Variants in MMP16 observed in about 807,000 individuals in gnomAD.
MMP16 encodes matrix metallopeptidase 16.
In MMP16, 12 loss-of-function variants were observed where a neutral mutation model predicts 67.8. The observed-to-expected ratio is 0.18, with a 90% CI of 0.11 to 0.29. MMP16 has a LOEUF of 0.29. Ranked by LOEUF, MMP16 falls within the 10% of genes least tolerant of loss-of-function variation. MMP16 has a pLI of 1.00. For synonymous variants in MMP16, 249 were observed against 255.9 expected (o/e 0.97, Z 0.26); for missense variants, 475 against 765.7 (o/e 0.62, Z 4.48).
In MMP16 at chr8:88,036,813, T is replaced by C. The variant is rs1294933860; in HGVS notation, c.*4648A>G. The C allele has an allele frequency of 6.6e-6, 1 of 151,646 alleles. No individual in the cohort carries two copies. Among genetic ancestry groups the C allele is most frequent in the Non-Finnish European group, 1.5e-5 (1 of 67,720 alleles). 9.4% of individuals were successfully genotyped at this position (151,646 alleles called of 1,614,324 possible). A position where few individuals can be genotyped will look rare whatever the true frequency, so the allele number is the denominator to read the frequency against. The stretch of plus-strand genomic sequence containing the variant: ...ACTTTGGAATATGCCCTTGAAAGCA[T>C]CAGAAATGAAATAAGCTCTTTACTG... On this transcript the variant is annotated 3_prime_UTR_variant, in exon 10 of 10. Transcript: ENST00000286614.
intron 6 of MMP16, among the ~76,000 whole-genome samples, chr8:88,104,048 T>C (rs1004132621): frequency 6.6e-6 from 1 of 151,798 alleles, no homozygotes; most frequent in African/African-American, 2.4e-5. Flanking sequence ...GTTTTGCCTA[T>C]TTTATTTTAA....
chr8:88,167,769 T>A lies in MMP16; in HGVS notation c.609A>T (p.Gly203=). The change falls in exon 4 of 10, where the codon GGA becomes GGT. Residue 203 remains glycine, a synonymous_variant. Transcript: ENST00000286614. ...GGAAGTAGGCATGTGCCAAAAATCC[T>A]CCCTCTCCATCAAAGGGAGAGCTGT... ...HGDSSPFDGE[G]GFLAHAYFPG... 8.1e-6 allele frequency: 13 copies of A among 1,613,944 alleles called. No homozygotes were observed. The highest frequency in any genetic ancestry group is 1.1e-5 in the Non-Finnish European group (13 of 1,179,944).
At chr8:88,286,560 A>G (rs978943355) in intron 1 of MMP16, among the ~76,000 whole-genome samples, 5 of 148,806 alleles carry the variant, frequency 3.4e-5, no homozygotes, top group African/African-American at 1.2e-4. Flanking sequence ...CTGTTACATG[A>G]GTCAGAGACC....
At chr8:88,317,390 T>C (rs927116868) in intron 1 of MMP16, among the ~76,000 whole-genome samples, 10 of 152,172 alleles carry the variant, frequency 6.6e-5, no homozygotes, top group Admixed American at 5.9e-4. Flanking sequence ...AAAGAGGACT[T>C]GCCAAAGGCT....
intron 6 of MMP16, among the ~76,000 whole-genome samples, chr8:88,114,369 T>C (rs575073602): frequency 1.5e-4 from 23 of 152,060 alleles, no homozygotes; most frequent in Middle Eastern, 3.4e-3. Context: ...ACAACTCCAA[T>C]CTCAGTAAAA....
At chr8:88,317,960 T>G (rs1293257464) in intron 1 of MMP16, among the ~76,000 whole-genome samples, 1 of 152,158 alleles carries the variant, frequency 6.6e-6, no homozygotes, top group Non-Finnish European at 1.5e-5. Flanking sequence ...TCGCTTTATA[T>G]TAAACTAAAT....
chr8:88,071,903 T>G (rs994521988), intron 7 of MMP16, among the ~76,000 whole-genome samples: 1 of 152,138 alleles, frequency 6.6e-6, no homozygotes, highest in African/African-American at 2.4e-5. Context: ...ATTCACTATT[T>G]TGTCATTACA....
At chr8:88,060,553 A>T (rs1165552735) in intron 7 of MMP16, among the ~76,000 whole-genome samples, 1 of 152,012 alleles carries the variant, frequency 6.6e-6, no homozygotes, top group Non-Finnish European at 1.5e-5. Context: ...ACTTATCTCC[A>T]TTTATGGAAA....
intron 1 of MMP16, among the ~76,000 whole-genome samples, chr8:88,289,524 C>A (rs1454589321): frequency 6.6e-6 from 1 of 152,146 alleles, no homozygotes; most frequent in Non-Finnish European, 1.5e-5. Context: ...TACATCTACA[C>A]ATACACGCAC....
At chr8:88,087,813 G>A (rs536054340) in intron 6 of MMP16, among the ~76,000 whole-genome samples, 2 of 151,402 alleles carry the variant, frequency 1.3e-5, no homozygotes, top group South Asian at 4.2e-4. Context: ...CATGGTGGTT[G>A]CATGCCTGAG....
Position 88,041,286 on chromosome 8 carries a change from A to G in MMP16, c.*175T>C, listed in dbSNP as rs900403726. 5.5e-5 allele frequency: 34 copies of G among 614,636 alleles called. No homozygotes were observed. The African/African-American group carries it at 5.9e-4, about 11-fold the overall frequency. The allele number at this position is 614,636 out of a possible 1,614,324, so 38.1% of individuals were successfully genotyped here. A position where few individuals can be genotyped will look rare whatever the true frequency, so the allele number is the denominator to read the frequency against. ...TACTGTGCATCATGGAAGCTTCCCC[A>G]TGAGTGTATTTCCACTCATGTGCAG... is the stretch of plus-strand genomic sequence containing the variant. On this transcript the variant is annotated 3_prime_UTR_variant, in exon 10 of 10. Transcript: ENST00000286614. The surrounding 1 kb of genome is among the most constrained non-coding windows in gnomAD (Gnocchi z 6.0).
intron 2 of MMP16, among the ~76,000 whole-genome samples, chr8:88,193,468 G>C (rs867552410): frequency 1.3e-5 from 2 of 152,082 alleles, no homozygotes; most frequent in Non-Finnish European, 2.9e-5. Context: ...ATAAAGAGAA[G>C]GGGTGGCTAA....
intron 1 of MMP16, among the ~76,000 whole-genome samples, chr8:88,275,202 G>A (rs1446726224): frequency 6.6e-6 from 1 of 151,786 alleles, no homozygotes; most frequent in Non-Finnish European, 1.5e-5. Flanking sequence ...TATTTTGTGT[G>A]AATCTAAGTA....
At chr8:88,272,501 G>T (rs1166690827) in intron 1 of MMP16, among the ~76,000 whole-genome samples, 1 of 140,532 alleles carries the variant, frequency 7.1e-6, no homozygotes, top group Non-Finnish European at 1.6e-5. Flanking sequence ...GTGATTAGGA[G>T]AGGGCTAAAA....
At chr8:88,318,174 T>C (rs1004589180) in intron 1 of MMP16, among the ~76,000 whole-genome samples, 18 of 152,204 alleles carry the variant, frequency 1.2e-4, no homozygotes, top group Non-Finnish European at 2.1e-4. Context: ...TCAATTCTTT[T>C]AATCTTAGAA....
chr8:88,060,636 G>C (rs1246106742), intron 7 of MMP16, among the ~76,000 whole-genome samples: 1 of 152,094 alleles, frequency 6.6e-6, no homozygotes, highest in East Asian at 1.9e-4. Context: ...AGTATGATGG[G>C]CACCTTACAT....
chr8:88,168,666 C>T (rs1808753497), intron 3 of MMP16, among the ~76,000 whole-genome samples: 1 of 152,050 alleles, frequency 6.6e-6, no homozygotes, highest in Non-Finnish European at 1.5e-5. Context: ...ATTCATTTGG[C>T]ACTAAATCAG....
At chr8:88,151,082 ACT>A (rs1808397804) in intron 4 of MMP16, among the ~76,000 whole-genome samples, 2 of 120,896 alleles carry the variant, frequency 1.7e-5, no homozygotes, top group South Asian at 6.5e-4. Flanking sequence ...GATAAAACAG[ACT>A]TTAAACCAAC....
intron 9 of MMP16, among the ~76,000 whole-genome samples, chr8:88,043,910 G>T (rs1178199119): frequency 6.6e-6 from 1 of 152,164 alleles, no homozygotes; most frequent in Non-Finnish European, 1.5e-5. Context: ...CATTGATCTA[G>T]AATTAAACAG....
Sources: gnomAD v4.1 joint callset for allele counts (sites outside exome capture counted in the v4.1 genomes callset) on GRCh38, gnomAD v4.1.1 for gene constraint, Gnocchi (gnomAD v3.1) non-coding constraint, MANE v1.5 for transcripts, NCBI Gene and HGNC (gene_info 2026-07-23, HGNC 2026-07-21) for gene names.